Variants in GLP1R observed in about 807,000 individuals in gnomAD.
The protein encoded by GLP1R is glucagon like peptide 1 receptor.
Under a neutral mutation model 68.4 loss-of-function variants are expected in GLP1R, and 32 were observed. The ratio of observed to expected loss-of-function variants is 0.47; its 90% CI spans 0.35 to 0.63. GLP1R has a LOEUF of 0.63. Ranked by LOEUF, GLP1R falls within the 20% of genes least tolerant of loss-of-function variation. The probability of loss-of-function intolerance (pLI) is 0.00; values close to 1 mark genes in which losing one functional copy is unlikely to be tolerated. For synonymous variants in GLP1R, 263 were observed against 244.4 expected (o/e 1.08, Z -0.71); for missense variants, 502 against 594.9 (o/e 0.84, Z 1.62).
chr6:39,053,869 G>C (rs779716242), intron 1 of GLP1R, among the ~76,000 whole-genome samples: 25 of 152,000 alleles, frequency 1.6e-4, no homozygotes, highest in Non-Finnish European at 2.9e-4. Context: ...CCTCCCATCT[G>C]TCCCAGGGCC....
At chr6:39,085,703 C>T (rs1769126155) in intron 12 of GLP1R, among the ~76,000 whole-genome samples, 1 of 152,240 alleles carries the variant, frequency 6.6e-6, no homozygotes, top group Non-Finnish European at 1.5e-5. Flanking sequence ...AAGCTGATCT[C>T]TCTCCTGAGG....
intron 12 of GLP1R, 103 bp from the exon 13 acceptor site, chr6:39,085,803 A>G (rs1446592713): frequency 9.6e-7 from 1 of 1,039,092 alleles, no homozygotes; most frequent in Non-Finnish European, 1.5e-6. Flanking sequence ...TCTTAATATA[A>G]TGCAGTGGAT....
In GLP1R at chr6:39,079,075, C is replaced by T; in HGVS notation, c.955-37C>T. The stretch of plus-strand genomic sequence containing the variant: ...GAGTGGCAGCTATGATAGGGCTGGG[C>T]TGGTGCCCCCTGCCAATCCCCGGCC... On this transcript the variant is annotated intron_variant, in intron 9 of 12. Coordinates refer to ENST00000373256, the MANE Select transcript of GLP1R (RefSeq NM_002062.5). This position sits in a 1 kb window ranked among gnomAD's most constrained non-coding sequence, Gnocchi z 4.5. 5 of 1,605,676 alleles carry T rather than the reference C, an allele frequency of 3.1e-6. No homozygotes were observed. The highest frequency in any genetic ancestry group is 4.3e-6 in the Non-Finnish European group (5 of 1,172,296).
At chr6:39,078,607 A>G (rs903082370) in intron 8 of GLP1R, among the ~76,000 whole-genome samples, 1 of 152,012 alleles carries the variant, frequency 6.6e-6, no homozygotes, top group Non-Finnish European at 1.5e-5. Flanking sequence ...TGTGGGGTAC[A>G]TGGTGCCCTC....
chr6:39,089,626 GTA>G lies in GLP1R; in HGVS notation c.*3555_*3556del, dbSNP rs1769234924. Among the ~76,000 whole-genome samples, 1 of 152,148 alleles carries G rather than the reference GTA, an allele frequency of 6.6e-6. No homozygotes were observed. The highest frequency in any genetic ancestry group is 2.4e-5 in the African/African-American group (1 of 41,420). ...ACATTGCATGTGGGCGTGTGTGTGT[GTA>G]TGTGTGTGCATGTGTGTGTGCATGT... On this transcript the variant is annotated 3_prime_UTR_variant, in exon 13 of 13. Coordinates refer to ENST00000373256, the MANE Select transcript of GLP1R (RefSeq NM_002062.5). This position sits in a 1 kb window ranked among gnomAD's most constrained non-coding sequence, Gnocchi z 4.1.
intron 3 of GLP1R, among the ~76,000 whole-genome samples, chr6:39,061,103 C>T (rs1768346508): frequency 6.6e-6 from 1 of 152,214 alleles, no homozygotes; most frequent in Non-Finnish European, 1.5e-5. Context: ...TGGGGCCAGG[C>T]CACGGGCCTC....
intron 11 of GLP1R, among the ~76,000 whole-genome samples, chr6:39,080,483 G>A (rs976487338): frequency 4.3e-4 from 65 of 152,236 alleles, no homozygotes; most frequent in African/African-American, 1.4e-3. Context: ...GCTAGCTGGG[G>A]CCTGTAGCCA....
At chr6:39,085,008 T>G (rs981624771) in intron 12 of GLP1R, among the ~76,000 whole-genome samples, 1 of 151,888 alleles carries the variant, frequency 6.6e-6, no homozygotes, top group African/African-American at 2.4e-5. Context: ...GGAAAGCAAA[T>G]GTATGGGAAC....
intron 5 of GLP1R, among the ~76,000 whole-genome samples, chr6:39,068,418 C>G (rs896831799): frequency 8.5e-5 from 13 of 152,174 alleles, no homozygotes; most frequent in African/African-American, 2.2e-4. Flanking sequence ...CATGACTCTG[C>G]TAGTCATTGC....
intron 3 of GLP1R, among the ~76,000 whole-genome samples, chr6:39,058,059 A>G (rs1021778795): frequency 2.6e-5 from 4 of 152,144 alleles, no homozygotes; most frequent in Non-Finnish European, 4.4e-5. Flanking sequence ...AAGTTTCATG[A>G]TGGCCTGAGG....
intron 3 of GLP1R, among the ~76,000 whole-genome samples, chr6:39,059,436 T>G (rs1768304160): frequency 6.6e-6 from 1 of 152,144 alleles, no homozygotes; most frequent in Non-Finnish European, 1.5e-5. Context: ...TGGAGACAGG[T>G]GAGTGATCTG....
At chr6:39,078,264 T>C (rs1768886952) in intron 7 of GLP1R, 58 bp from the exon 8 acceptor site, 1 of 1,258,776 alleles carries the variant, frequency 7.9e-7, no homozygotes, top group East Asian at 2.3e-5. Context: ...CCTCGGCATG[T>C]AGACTGTGGC....
At chr6:39,054,888 T>G (rs1294438405) in intron 1 of GLP1R, among the ~76,000 whole-genome samples, 2 of 152,244 alleles carry the variant, frequency 1.3e-5, no homozygotes, top group East Asian at 3.8e-4. Flanking sequence ...CTTGCTCTGA[T>G]GAAAACTGTG....
At chr6:39,060,118 G>A (rs779597633) in intron 3 of GLP1R, among the ~76,000 whole-genome samples, 1 of 152,182 alleles carries the variant, frequency 6.6e-6, no homozygotes, top group Non-Finnish European at 1.5e-5. Context: ...CTCAAGCTGC[G>A]TAATTGCTGC....
rs561726443 is a variant in GLP1R at position 39,082,978 on chromosome 6, C to G, written c.1224+2239C>G. 5.3e-5 allele frequency among the ~76,000 whole-genome samples: 8 copies of G among 152,298 alleles called. No homozygotes were observed. The Middle Eastern group carries it at 0.01, about 194-fold the overall frequency. ...CTCCCCTGACCCCTGGCTCAGCTGCCTCTCCAGATTCCATCCTTCCAAGCC... is the reference window on the plus strand; with the variant it reads ...CTCCCCTGACCCCTGGCTCAGCTGCGTCTCCAGATTCCATCCTTCCAAGCC... On this transcript the variant is annotated intron_variant, in intron 12 of 12. Coordinates refer to ENST00000373256, the MANE Select transcript of GLP1R (RefSeq NM_002062.5).
At chr6:39,054,754 C>T (rs1179074632) in intron 1 of GLP1R, among the ~76,000 whole-genome samples, 1 of 152,110 alleles carries the variant, frequency 6.6e-6, no homozygotes, top group African/African-American at 2.4e-5. Flanking sequence ...GGGGATTTCT[C>T]CGTCTCTCTG....
chr6:39,086,096 G>A lies in GLP1R; in HGVS notation c.*23G>A. On this transcript the variant is annotated 3_prime_UTR_variant, in exon 13 of 13. Coordinates refer to ENST00000373256, the MANE Select transcript of GLP1R (RefSeq NM_002062.5). This position sits in a 1 kb window ranked among gnomAD's most constrained non-coding sequence, Gnocchi z 4.5. The stretch of plus-strand genomic sequence containing the variant: ...TGAGACTCCAGCGCCTGCCCTCCCT[G>A]GGGTCCTTGCTGCAGGCCGGGTGGC... 6.2e-7 allele frequency: 1 copy of A among 1,609,872 alleles called. No individual in the cohort carries two copies. Among genetic ancestry groups the A allele is most frequent in the South Asian group, 1.1e-5 (1 of 90,806 alleles).
chr6:39,091,286 A>G lies in GLP1R; in HGVS notation c.*5213A>G, dbSNP rs953259413. Among the ~76,000 whole-genome samples, 1 of 152,234 alleles carries G rather than the reference A, an allele frequency of 6.6e-6. No individual in the cohort carries two copies. Among genetic ancestry groups the G allele is most frequent in the Non-Finnish European group, 1.5e-5 (1 of 68,050 alleles). On this transcript the variant is annotated 3_prime_UTR_variant, in exon 13 of 13. Transcript: ENST00000373256. ...CTAATTTGCCTTGTAAGCCAAATAAAAGTCTGTCTCTACTGTCTCTCTTGC... is the reference window on the plus strand; with the variant it reads ...CTAATTTGCCTTGTAAGCCAAATAAGAGTCTGTCTCTACTGTCTCTCTTGC...
chr6:39,048,790 C>A lies in GLP1R; in HGVS notation c.-51C>A. On this transcript the variant is annotated 5_prime_UTR_variant, in exon 1 of 13. Transcript: ENST00000373256. ...CCGCCACCAGCCCGGGATCAGTCTCCGCACGCGGTTCCGCAGGTGGCAGCG... is the reference window on the plus strand; with the variant it reads ...CCGCCACCAGCCCGGGATCAGTCTCAGCACGCGGTTCCGCAGGTGGCAGCG... 1.2e-6 allele frequency: 1 copy of A among 853,738 alleles called. No individual in the cohort carries two copies. The highest frequency in any genetic ancestry group is 1.8e-6 in the Non-Finnish European group (1 of 542,676). 52.9% of individuals were successfully genotyped at this position (853,738 alleles called of 1,614,324 possible). A position where few individuals can be genotyped will look rare whatever the true frequency, so the allele number is the denominator to read the frequency against.
Sources: gnomAD v4.1 joint callset for allele counts (sites outside exome capture counted in the v4.1 genomes callset) on GRCh38, gnomAD v4.1.1 for gene constraint, Gnocchi (gnomAD v3.1) non-coding constraint, MANE v1.5 for transcripts, NCBI Gene and HGNC (gene_info 2026-07-23, HGNC 2026-07-21) for gene names.